Variants in PLAC8L1 observed in about 807,000 individuals in gnomAD.
The protein encoded by PLAC8L1 is PLAC8-like protein 1.
In PLAC8L1, 13 loss-of-function variants were observed where a neutral mutation model predicts 16.3. The ratio of observed to expected loss-of-function variants is 0.80; its 90% confidence interval spans 0.52 to 1.27. PLAC8L1 has a LOEUF of 1.27. Ranked by LOEUF, PLAC8L1 falls within the 50% of genes most tolerant of loss-of-function variation. The pLI, the probability that PLAC8L1 is intolerant of heterozygous loss-of-function variation, is 0.00. For synonymous variants in PLAC8L1, 78 were observed against 79.3 expected (o/e 0.98, Z 0.09); for missense variants, 184 against 220.2 (o/e 0.84, Z 1.04).
In PLAC8L1 at chr5:146,104,848, G is replaced by A. The variant is rs544449508; in HGVS notation, c.-537C>T. On this transcript the variant is annotated 5_prime_UTR_variant, in exon 1 of 4. Coordinates refer to ENST00000311450, the MANE Select transcript of PLAC8L1 (RefSeq NM_001029869.3). The stretch of plus-strand genomic sequence containing the variant: ...ATCTTATGAAAGGTGGTCTCCTCAA[G>A]TTTGAGCTATGGTAGATTGTCACAA... The A allele has an allele frequency of 6.5e-6, 1 of 152,936 alleles. No homozygotes were observed. The highest frequency in any genetic ancestry group is 6.5e-5 in the Admixed American group (1 of 15,304). The allele number at this position is 152,936 out of a possible 1,614,324, so 9.5% of individuals were successfully genotyped here.
chr5:146,102,040 C>CTTTTTTTTTT lies in PLAC8L1; in HGVS notation c.119+2143_119+2152dup, dbSNP rs36011275. On this transcript the variant is annotated intron_variant, in intron 1 of 3. Transcript: ENST00000311450. ...AAAATGTTTTTTTTCTGTGTTTACC[C>CTTTTTTTTTT]TTTTTTTTTTTTTTTTGTCTTTTGT... Among the ~76,000 whole-genome samples, 70 of 130,446 alleles carry CTTTTTTTTTT rather than the reference C, an allele frequency of 5.4e-4. 1 individual carries two copies. Among genetic ancestry groups the CTTTTTTTTTT allele is most frequent in the Non-Finnish European group, 7.1e-4 (44 of 61,774 alleles). The allele number at this position is 130,446 out of a possible 152,430, so 85.6% of individuals were successfully genotyped here.
intron 1 of PLAC8L1, among the ~76,000 whole-genome samples, chr5:146,102,903 G>C (rs1275899058): frequency 6.6e-6 from 1 of 152,186 alleles, no homozygotes. Flanking sequence ...CACGTAGTAT[G>C]CATGAAGTCG....
At position 146,104,995 on chromosome 5, in the gene PLAC8L1, G is replaced by T. The variant is rs1417688843; in HGVS notation, c.-684C>A. On this transcript the variant is annotated 5_prime_UTR_variant, in exon 1 of 4. Transcript: ENST00000311450. Reference sequence around the variant, plus strand: ...AGACGGAATCTAGTAACTGAAGCAAGGCTTGCCTGGTGATGTCCTCACAAC... The same window carrying T: ...AGACGGAATCTAGTAACTGAAGCAATGCTTGCCTGGTGATGTCCTCACAAC... Among the ~76,000 whole-genome samples the T allele has an allele frequency of 6.6e-6, 1 of 152,164 alleles. No individual in the cohort carries two copies. The highest frequency in any genetic ancestry group is 2.1e-4 in the South Asian group (1 of 4,826).
chr5:146,102,556 C>A (rs1188502945), intron 1 of PLAC8L1, among the ~76,000 whole-genome samples: 2 of 152,136 alleles, frequency 1.3e-5, no homozygotes, highest in Non-Finnish European at 2.9e-5. Context: ...TCCTAGACAG[C>A]TTTTCTACAT....
At chr5:146,086,403 A>G (rs775921121) in intron 2 of PLAC8L1, among the ~76,000 whole-genome samples, 6 of 152,144 alleles carry the variant, frequency 3.9e-5, no homozygotes, top group African/African-American at 7.2e-5. Context: ...AGACCAAGTT[A>G]TTCAAATTTA....
chr5:146,089,818 A>C (rs1763582054), intron 2 of PLAC8L1, among the ~76,000 whole-genome samples: 1 of 150,118 alleles, frequency 6.7e-6, no homozygotes, highest in Non-Finnish European at 1.5e-5. Context: ...AGCTCACTGC[A>C]ACCTCCACCT....
rs1197332765 is a variant in PLAC8L1, at chr5:146,084,521, T to C, written c.445A>G (p.Ile149Val). ...TTGAGTTCCCGGGCCACCTGGCAGA[T>C]GGAAAAAGCCCAACAGCAGTGCACC... ...LAVHCCWAFS[I>V]CQVARELKMR... The change falls in exon 4 of 4, where the codon ATC becomes GTC. Residue 149 changes from isoleucine to valine, a missense_variant. Physicochemically the swap from Ile to Val is conservative, Grantham distance 29 (BLOSUM62 3). Transcript: ENST00000311450. The C allele has an allele frequency of 1.2e-6, 2 of 1,613,968 alleles. No individual in the cohort carries two copies. The highest frequency in any genetic ancestry group is 2.7e-5 in the African/African-American group (2 of 74,918).
At chr5:146,084,614 C>A in intron 3 of PLAC8L1, 42 bp from the exon 4 acceptor site, 1 of 1,607,666 alleles carries the variant, frequency 6.2e-7, no homozygotes, top group Non-Finnish European at 8.5e-7. Context: ...GTCACACAGG[C>A]TCATTTTTCT....
In PLAC8L1 at chr5:146,104,493, C is replaced by T. The variant is rs1293742998; in HGVS notation, c.-182G>A. The T allele has an allele frequency of 5.6e-6, 3 of 535,626 alleles. No individual in the cohort carries two copies. The highest frequency in any genetic ancestry group is 3.2e-5 in the Admixed American group (1 of 31,538). The allele number at this position is 535,626 out of a possible 1,614,324, so 33.2% of individuals were successfully genotyped here. ...TCTTTTTTCTTTAAAAACAGGTATA[C>T]ACCTAACTGTGGACACATTCATCTT... On this transcript the variant is annotated 5_prime_UTR_variant, in exon 1 of 4. Transcript: ENST00000311450.
At chr5:146,103,449 G>A (rs760669356) in intron 1 of PLAC8L1, among the ~76,000 whole-genome samples, 22 of 152,070 alleles carry the variant, frequency 1.4e-4, no homozygotes, top group Admixed American at 3.3e-4. Context: ...ATGAGCCACT[G>A]CGCCTGGCCT....
At chr5:146,101,383 T>C (rs924174228) in intron 1 of PLAC8L1, among the ~76,000 whole-genome samples, 1 of 152,112 alleles carries the variant, frequency 6.6e-6, no homozygotes, top group Non-Finnish European at 1.5e-5. Context: ...AAATTATTTC[T>C]CTTGTTTAAG....
At chr5:146,098,328 A>G (rs765966766) in intron 1 of PLAC8L1, 36 bp from the exon 2 acceptor site, 33 of 1,602,454 alleles carry the variant, frequency 2.1e-5, no homozygotes, top group Middle Eastern at 1.7e-4. Flanking sequence ...CTTGGAAACA[A>G]AGGTGTTTCA....
chr5:146,099,991 G>A lies in PLAC8L1; in HGVS notation c.120-1699C>T, dbSNP rs541636185. On this transcript the variant is annotated intron_variant, in intron 1 of 3. Coordinates refer to ENST00000311450, the MANE Select transcript of PLAC8L1 (RefSeq NM_001029869.3). ...AAAAGAAATTCCCAAGCCTTCCCTC[G>A]GACCAACTGCACAGGTTTCCAAGAA... Among the ~76,000 whole-genome samples, 152 of 152,036 alleles carry A rather than the reference G, an allele frequency of 1.0e-3. 2 individuals carry two copies. Among genetic ancestry groups the A allele is most frequent in the South Asian group, 8.3e-4 (4 of 4,816 alleles).
chr5:146,103,574 T>C, intron 1 of PLAC8L1: 2 of 855,470 alleles, frequency 2.3e-6, no homozygotes, highest in Non-Finnish European at 2.8e-6. Flanking sequence ...ACCAGTACAG[T>C]TCCAGGCAAA....
At chr5:146,098,484 C>A (rs1358706450) in intron 1 of PLAC8L1, among the ~76,000 whole-genome samples, 192 bp from the exon 2 acceptor site, 2 of 152,030 alleles carry the variant, frequency 1.3e-5, no homozygotes, top group Non-Finnish European at 2.9e-5. Context: ...TTTGCCTCAT[C>A]TCTATTAATG....
chr5:146,096,794 C>T (rs1763725100), intron 2 of PLAC8L1, among the ~76,000 whole-genome samples: 1 of 152,164 alleles, frequency 6.6e-6, no homozygotes, highest in Non-Finnish European at 1.5e-5. Flanking sequence ...TGGGTGACTA[C>T]CAAAGTCATG....
At chr5:146,101,627 T>A (rs13182302) in intron 1 of PLAC8L1, among the ~76,000 whole-genome samples, 33,901 of 152,168 alleles carry the variant, frequency 0.22, 4,834 homozygotes, top group Admixed American at 0.34. Context: ...AAATAGATTC[T>A]CTTGTCTCTT....
intron 1 of PLAC8L1, among the ~76,000 whole-genome samples, chr5:146,101,198 A>AAC (rs1339042018): frequency 1.1e-5 from 1 of 88,556 alleles, no homozygotes; most frequent in African/African-American, 3.0e-5. Flanking sequence ...CCCTGTCTCA[A>AAC]AAAAAAAAAA....
chr5:146,088,039 G>T (rs1763552547), intron 2 of PLAC8L1, among the ~76,000 whole-genome samples: 1 of 152,174 alleles, frequency 6.6e-6, no homozygotes, highest in African/African-American at 2.4e-5. Flanking sequence ...TCCCCCCTTG[G>T]TACCATATAG....
Sources: allele counts gnomAD v4.1 joint callset (sites outside exome capture counted in the v4.1 genomes callset), GRCh38; gene constraint gnomAD v4.1.1; transcripts MANE v1.5; gene names NCBI Gene and HGNC (gene_info 2026-07-23, HGNC 2026-07-21).